SPEF2: variants seen among roughly 807,000 people sequenced by gnomAD.
The protein encoded by SPEF2 is sperm flagella and cilia-associated protein 2.
SPEF2 carries 187 observed loss-of-function variants against 224.6 expected under a neutral mutation model. The observed-to-expected ratio is 0.83, with a 90% CI of 0.74 to 0.94. The LOEUF (loss-of-function observed/expected upper bound fraction) is 0.94, where lower values mean the gene tolerates loss of function less well. SPEF2 is among the 40% of genes least tolerant of loss of function. The probability of loss-of-function intolerance (pLI) is 0.00; values close to 1 mark genes in which losing one functional copy is unlikely to be tolerated. For missense variants in SPEF2, 2,170 were observed against 2,135.6 expected, an observed-to-expected ratio of 1.02 and a Z score of -0.32; for synonymous variants, 715 against 707.3, an observed-to-expected ratio of 1.01 and a Z score of -0.17.
At chr5:35,645,424 C>A (rs1310286991) in intron 4 of SPEF2, among the ~76,000 whole-genome samples, 2 of 152,160 alleles carry the variant, frequency 1.3e-5, no homozygotes, top group African/African-American at 4.8e-5. Context: ...GGGATGCTTA[C>A]TTCTACCTGC....
At chr5:35,786,172 A>G (rs1452446660) in intron 30 of SPEF2, among the ~76,000 whole-genome samples, 1 of 152,188 alleles carries the variant, frequency 6.6e-6, no homozygotes, top group Non-Finnish European at 1.5e-5. Context: ...ATTCACCAGC[A>G]TTATGTGAGC....
At chr5:35,648,456 A>G (rs1434627546) in intron 5 of SPEF2, among the ~76,000 whole-genome samples, 1 of 150,256 alleles carries the variant, frequency 6.7e-6, no homozygotes, top group African/African-American at 2.5e-5. Flanking sequence ...AAAATCATGG[A>G]TCATTGCAGC....
chr5:35,776,424 A>G (rs1753618247), intron 29 of SPEF2, 29 bp downstream of exon 29: 1 of 1,584,386 alleles, frequency 6.3e-7, no homozygotes, highest in Non-Finnish European at 8.6e-7. Flanking sequence ...TTCTGAAAAT[A>G]TGCTTTGTGT....
intron 29 of SPEF2, among the ~76,000 whole-genome samples, chr5:35,778,672 C>T (rs1366314125): frequency 6.6e-6 from 1 of 152,130 alleles, no homozygotes; most frequent in Non-Finnish European, 1.5e-5. Flanking sequence ...CATTATTGAA[C>T]TTGATTCACT....
chr5:35,801,786 T>A (rs1158600281), intron 34 of SPEF2, among the ~76,000 whole-genome samples: 1 of 152,144 alleles, frequency 6.6e-6, no homozygotes, highest in Non-Finnish European at 1.5e-5. Context: ...CACCTGGCAA[T>A]GACTTCCTTG....
chr5:35,634,074 A>G (rs1248464341), intron 2 of SPEF2, among the ~76,000 whole-genome samples: 1 of 151,982 alleles, frequency 6.6e-6, no homozygotes, highest in African/African-American at 2.4e-5. Context: ...TATTTAAACT[A>G]TTTTTTATGT....
chr5:35,635,464 G>C (rs1745706075), intron 2 of SPEF2, among the ~76,000 whole-genome samples: 1 of 151,944 alleles, frequency 6.6e-6, no homozygotes, highest in Non-Finnish European at 1.5e-5. Context: ...TATTGTTTTT[G>C]CATTGCTCTA....
chr5:35,626,404 A>G (rs900222972), intron 1 of SPEF2, among the ~76,000 whole-genome samples: 1 of 152,170 alleles, frequency 6.6e-6, no homozygotes, highest in Non-Finnish European at 1.5e-5. Context: ...TAGGTGCCAG[A>G]CTGTGGACTT....
At chr5:35,777,595 C>CTT (rs201014686) in intron 29 of SPEF2, among the ~76,000 whole-genome samples, 5,440 of 151,712 alleles carry the variant, frequency 0.036, 289 homozygotes, top group South Asian at 0.11. Flanking sequence ...TTGTATATGT[C>CTT]TGCCCTGTGA....
At chr5:35,658,002 C>T (rs1024652850) in intron 7 of SPEF2, among the ~76,000 whole-genome samples, 1 of 152,154 alleles carries the variant, frequency 6.6e-6, no homozygotes, top group African/African-American at 2.4e-5. Flanking sequence ...TGGTTGTAGA[C>T]CAGAGTAAGT....
intron 26 of SPEF2, among the ~76,000 whole-genome samples, chr5:35,766,636 CT>C (rs1281247614): frequency 6.6e-6 from 1 of 151,622 alleles, no homozygotes. Flanking sequence ...TACTATGTGT[CT>C]TTTTTTCTTT....
At chr5:35,644,048 A>T (rs922249186) in intron 3 of SPEF2, among the ~76,000 whole-genome samples, 7 of 152,162 alleles carry the variant, frequency 4.6e-5, no homozygotes, top group African/African-American at 1.4e-4. Flanking sequence ...TTGCAAAAAA[A>T]ATAAATAAAA....
chr5:35,729,968 A>T (rs1346787333), intron 21 of SPEF2, among the ~76,000 whole-genome samples: 1 of 152,152 alleles, frequency 6.6e-6, no homozygotes, highest in Non-Finnish European at 1.5e-5. Context: ...TTTTCTTCCC[A>T]GTCTCAAGTA....
In SPEF2 at chr5:35,766,333, A is replaced by G. The variant is rs542590714; in HGVS notation, c.3801+2631A>G. 5.3e-5 allele frequency among the ~76,000 whole-genome samples: 8 copies of G among 152,092 alleles called. 2 individuals carry two copies. Among genetic ancestry groups the G allele is most frequent in the East Asian group, 1.9e-4 (1 of 5,174 alleles). Reference sequence around the variant, plus strand: ...CCCAAGAATTCATTATCTTTAATAGATTATGCAATGTTTCTGGGTTTGTTT... The same window carrying G: ...CCCAAGAATTCATTATCTTTAATAGGTTATGCAATGTTTCTGGGTTTGTTT... On this transcript the variant is annotated intron_variant, in intron 26 of 36. Transcript: ENST00000356031.
Position 35,725,049 on chromosome 5 carries a change from C to CATGAAAAAA in SPEF2, c.2915-2622_2915-2621insAAAAAATGA, listed in dbSNP as rs578060087. On this transcript the variant is annotated intron_variant, in intron 20 of 36. Transcript: ENST00000356031. ...CAGTAAGCAGAGAAAGCTTTCCCTC[C>CATGAAAAAA]ATGAGCTTTTTCAGAATAGTTTTTC... Among the ~76,000 whole-genome samples, 58 of 152,294 alleles carry CATGAAAAAA rather than the reference C, an allele frequency of 3.8e-4. 1 individual carries two copies. Among genetic ancestry groups the CATGAAAAAA allele is most frequent in the African/African-American group, 1.4e-3 (57 of 41,566 alleles).
chr5:35,798,395 T>G (rs1027543258), intron 33 of SPEF2, among the ~76,000 whole-genome samples: 5 of 152,156 alleles, frequency 3.3e-5, no homozygotes, highest in African/African-American at 1.2e-4. Context: ...TGCCCCGACC[T>G]TGGGAGTTCA....
intron 23 of SPEF2, among the ~76,000 whole-genome samples, chr5:35,745,912 A>T (rs928081983): frequency 3.9e-5 from 6 of 152,232 alleles, no homozygotes. Context: ...ACTGTCATGG[A>T]GTCCATTGCA....
intron 20 of SPEF2, among the ~76,000 whole-genome samples, chr5:35,726,108 A>T (rs568421072): frequency 6.6e-6 from 1 of 152,366 alleles, no homozygotes; most frequent in East Asian, 1.9e-4. Context: ...ACTAACGCAT[A>T]GATACATTTT....
At chr5:35,749,873 C>T (rs1223955574) in intron 23 of SPEF2, among the ~76,000 whole-genome samples, 4 of 151,982 alleles carry the variant, frequency 2.6e-5, no homozygotes, top group African/African-American at 4.8e-5. Flanking sequence ...CATATGGAAC[C>T]GCAAAAGAAA....
Sources: allele counts gnomAD v4.1 joint callset (sites outside exome capture counted in the v4.1 genomes callset), GRCh38; gene constraint gnomAD v4.1.1; transcripts MANE v1.5; gene names NCBI Gene and HGNC (gene_info 2026-07-23, HGNC 2026-07-21).